CPA3: variants seen among roughly 807,000 people sequenced by gnomAD.
CPA3 encodes mast cell carboxypeptidase A.
CPA3 carries 52 observed loss-of-function variants against 55.8 expected under a neutral mutation model. That is an observed-to-expected ratio of 0.93 (90% CI 0.75 to 1.17). CPA3 has a LOEUF of 1.17. Ranked by LOEUF, CPA3 falls within the 50% of genes most tolerant of loss-of-function variation. The probability of loss-of-function intolerance (pLI) is 0.00; values close to 1 mark genes in which losing one functional copy is unlikely to be tolerated. For missense variants in CPA3, 547 were observed against 509.1 expected, an observed-to-expected ratio of 1.07 and a Z score of -0.72; for synonymous variants, 179 against 171.2, an observed-to-expected ratio of 1.05 and a Z score of -0.36.
At chr3:148,871,643 G>T (rs560541435) in intron 3 of CPA3, among the ~76,000 whole-genome samples, 2 of 152,076 alleles carry the variant, frequency 1.3e-5, no homozygotes, top group Non-Finnish European at 2.9e-5. Context: ...TTTTCACTCT[G>T]TCTTATGACA....
In CPA3 at chr3:148,882,584, C is replaced by T. The variant is rs768538060; in HGVS notation, c.767C>T (p.Ala256Val). Residue 256 changes from alanine to valine, a missense_variant, in exon 8 of 11, where the codon GCT becomes GTT. Ala to Val is a moderately conservative substitution (Grantham distance 64). Transcript: ENST00000296046. ...IGTDLNRNFN[A>V]SWNSIPNTND... is the part of the protein sequence containing the mutation. ...ACTGACCTCAACAGGAATTTTAATG[C>T]TTCATGGAACTGTGAGTAGCAGACT... 14 of 1,613,240 alleles carry T rather than the reference C, an allele frequency of 8.7e-6. No individual in the cohort carries two copies. In the East Asian group the frequency reaches 1.8e-4, roughly 21 times the overall value.
intron 10 of CPA3, among the ~76,000 whole-genome samples, chr3:148,894,879 A>C (rs1488148024): frequency 3.9e-5 from 6 of 152,170 alleles, no homozygotes; most frequent in Non-Finnish European, 8.8e-5. Flanking sequence ...TGTTAAACGT[A>C]TCACTTTGTC....
At chr3:148,879,171 G>C (rs1714292865) in intron 5 of CPA3, among the ~76,000 whole-genome samples, 1 of 152,176 alleles carries the variant, frequency 6.6e-6, no homozygotes, top group Non-Finnish European at 1.5e-5. Flanking sequence ...CCCTATATCA[G>C]AGCCAACAAT....
rs1479070268 is a variant in CPA3 at position 148,878,726 on chromosome 3, A to T, written c.452A>T (p.Asp151Val). The change falls in exon 5 of 11, where the codon GAT (aspartate) becomes GTT (valine). Residue 151 changes from aspartate (D) to valine (V), a missense_variant. By Grantham distance (152) the Asp-to-Val change is radical (BLOSUM62 -3). Transcript: ENST00000296046. ...ATTAAAATTGGATCTACTGTTGAAG[A>T]TAATCCACTATATGTTCTGAAGGTA... ...SRIKIGSTVE[D>V]NPLYVLKIGE... is the part of the protein sequence containing the mutation. The T allele has an allele frequency of 6.3e-7, 1 of 1,590,158 alleles. No homozygotes were observed. Among genetic ancestry groups the T allele is most frequent in the Non-Finnish European group, 8.6e-7 (1 of 1,159,678 alleles).
chr3:148,865,586 T>G (rs1327912219), intron 2 of CPA3, 38 bp downstream of exon 2: 27 of 1,554,578 alleles, frequency 1.7e-5, no homozygotes, highest in Non-Finnish European at 1.8e-6. Context: ...TTTCTTACTG[T>G]TCTCTAAAAG....
intron 2 of CPA3, among the ~76,000 whole-genome samples, chr3:148,866,497 T>G (rs1713904466): frequency 6.6e-6 from 1 of 152,216 alleles, no homozygotes; most frequent in Non-Finnish European, 1.5e-5. Flanking sequence ...ATTGCATTCC[T>G]CCGTTTGAGG....
At chr3:148,877,339 T>C (rs137862077) in intron 3 of CPA3, among the ~76,000 whole-genome samples, 182 of 152,170 alleles carry the variant, frequency 1.2e-3, no homozygotes, top group African/African-American at 4.0e-3. Flanking sequence ...CTACTCAAAA[T>C]ACAAAATTAG....
intron 2 of CPA3, among the ~76,000 whole-genome samples, chr3:148,868,335 T>C (rs1444410089): frequency 1.3e-5 from 2 of 152,234 alleles, no homozygotes; most frequent in East Asian, 3.9e-4. Context: ...TATTTCACAA[T>C]CTTCACAACA....
At chr3:148,870,970 T>C (rs148747654) in intron 3 of CPA3, among the ~76,000 whole-genome samples, 3,552 of 152,102 alleles carry the variant, frequency 0.023, 72 homozygotes, top group Middle Eastern at 0.075. Context: ...GCAATCTGGG[T>C]TCACTGCAAG....
rs1443725921 is a variant in CPA3, at chr3:148,874,066, C to G, written c.270-4375C>G. Among the ~76,000 whole-genome samples, 5 of 152,310 alleles carry G rather than the reference C, an allele frequency of 3.3e-5. No individual in the cohort carries two copies. In the East Asian group the frequency reaches 9.6e-4, roughly 29 times the overall value. On this transcript the variant is annotated intron_variant, in intron 3 of 10. Coordinates refer to ENST00000296046, the MANE Select transcript of CPA3 (RefSeq NM_001870.4). ...GTAGAAGGGCTTGTGAAAATAACAT[C>G]TGGCCCCAGTTCTTAATTTCCAGCC...
At position 148,882,709 on chromosome 3, in the gene CPA3, A is replaced by C. The variant is rs1215649939; in HGVS notation, c.778+114A>C. ...ATAGTTATGCTTTGAGTGAGTGTTA[A>C]CTTTTGTATCTATAACATGAAAGAC... On this transcript the variant is annotated intron_variant, in intron 8 of 10. Coordinates refer to ENST00000296046, the MANE Select transcript of CPA3 (RefSeq NM_001870.4). 22 of 769,042 alleles carry C rather than the reference A, an allele frequency of 2.9e-5. 1 individual carries two copies. The East Asian group carries it at 5.7e-4, about 20-fold the overall frequency. The allele number at this position is 769,042 out of a possible 1,614,324, so 47.6% of individuals were successfully genotyped here.
intron 6 of CPA3, 67 bp downstream of exon 6, chr3:148,879,956 G>T: frequency 9.2e-7 from 1 of 1,092,348 alleles, no homozygotes; most frequent in South Asian, 1.3e-5. Context: ...ACTAAGTGGC[G>T]ACATCTTTCC....
In CPA3 at chr3:148,883,606, T is replaced by C; in HGVS notation, c.779-7T>C. 6.2e-7 allele frequency: 1 copy of C among 1,613,032 alleles called. No homozygotes were observed. The highest frequency in any genetic ancestry group is 1.7e-4 in the Middle Eastern group (1 of 6,058). On this transcript the variant is annotated splice_polypyrimidine_tract_variant and splice_region_variant and intron_variant, in intron 8 of 10. Transcript: ENST00000296046. Reference sequence around the variant, plus strand: ...ACTGTGGTCTCATCCACCTATGTCTTCTGCAGCCATTCCTAACACCAATGA... The same window carrying C: ...ACTGTGGTCTCATCCACCTATGTCTCCTGCAGCCATTCCTAACACCAATGA...
chr3:148,878,510 G>A lies in CPA3; in HGVS notation c.339G>A (p.Arg113=), dbSNP rs1218262711. 6.2e-7 allele frequency: 1 copy of A among 1,613,250 alleles called. No homozygotes were observed. Residue 113 remains arginine, a synonymous_variant, in exon 4 of 11, where the codon AGG becomes AGA. Coordinates refer to ENST00000296046, the MANE Select transcript of CPA3 (RefSeq NM_001870.4). ...ATGTTAAAGAAGATATCCCAGGCAG[G>A]CACAGCTACGCAAAATACAATAATT... ...QFDVKEDIPG[R]HSYAKYNNWE... is the part of the protein sequence containing the mutation.
At chr3:148,870,720 T>C (rs6762230) in intron 3 of CPA3, among the ~76,000 whole-genome samples, 85,900 of 151,974 alleles carry the variant, frequency 0.57, 25,255 homozygotes, top group Middle Eastern at 0.69. Context: ...TAACTTAATA[T>C]ACTAAGTTTT....
chr3:148,895,161 CCCGAT>C (rs886179441), intron 10 of CPA3, among the ~76,000 whole-genome samples: 24 of 152,162 alleles, frequency 1.6e-4, no homozygotes, highest in African/African-American at 5.3e-4. Flanking sequence ...AACACCTAGT[CCCGAT>C]TCACAAGGTT....
intron 3 of CPA3, among the ~76,000 whole-genome samples, chr3:148,870,742 A>C (rs960703913): frequency 6.6e-6 from 1 of 152,228 alleles, no homozygotes; most frequent in Non-Finnish European, 1.5e-5. Context: ...CTGTTTTTAT[A>C]AATCACATCA....
intron 10 of CPA3, among the ~76,000 whole-genome samples, chr3:148,893,214 T>C (rs1363474491): frequency 6.6e-6 from 1 of 150,752 alleles, no homozygotes; most frequent in African/African-American, 2.4e-5. Context: ...GTTTCAAACA[T>C]TGGAAAAGAA....
At chr3:148,879,293 C>G (rs1476490262) in intron 5 of CPA3, among the ~76,000 whole-genome samples, 1 of 152,162 alleles carries the variant, frequency 6.6e-6, no homozygotes, top group Non-Finnish European at 1.5e-5. Flanking sequence ...CATTCATTAT[C>G]TCCAACCACT....
Sources: gnomAD v4.1 joint callset for allele counts (sites outside exome capture counted in the v4.1 genomes callset) on GRCh38, gnomAD v4.1.1 for gene constraint, MANE v1.5 for transcripts, NCBI Gene and HGNC (gene_info 2026-07-23, HGNC 2026-07-21) for gene names.